Variants in CDC42BPA observed in about 807,000 individuals in gnomAD.
The protein encoded by CDC42BPA is serine/threonine-protein kinase MRCK alpha.
In CDC42BPA, 80 loss-of-function variants were observed where a neutral mutation model predicts 223.5. That is an observed-to-expected ratio of 0.36 (90% confidence interval 0.30 to 0.43). CDC42BPA has a LOEUF of 0.43. Among genes scored for constraint, CDC42BPA ranks in the 20% least tolerant of loss-of-function variants. CDC42BPA has a pLI of 1.00. For synonymous variants in CDC42BPA, 694 were observed against 718.6 expected, an observed-to-expected ratio of 0.97 and a Z score of 0.55; for missense variants, 1,743 against 2,099.9, an observed-to-expected ratio of 0.83 and a Z score of 3.32.
At chr1:227,130,501 G>T (rs1463590464) in intron 10 of CDC42BPA, among the ~76,000 whole-genome samples, 1 of 152,072 alleles carries the variant, frequency 6.6e-6, no homozygotes, top group Non-Finnish European at 1.5e-5. Flanking sequence ...AACATCCATT[G>T]TTTTTATTTT....
Position 227,112,777 on chromosome 1 carries a change from T to C in CDC42BPA, c.1784A>G (p.Lys595Arg). The C allele has an allele frequency of 1.9e-6, 3 of 1,614,054 alleles. No homozygotes were observed. Among genetic ancestry groups the C allele is most frequent in the Non-Finnish European group, 2.5e-6 (3 of 1,179,980 alleles). Reference protein sequence around the residue: ...RLTELHTQKQKLARHVRDKEE... With the variant: ...RLTELHTQKQRLARHVRDKEE... ...CTTATCTCGGACATGGCGAGCAAGT[T>C]TCTGTTTTTGGGTGTGCAATTCTGT... The change falls in exon 13 of 37, where the codon AAA becomes AGA. Residue 595 changes from lysine (K) to arginine (R), a missense_variant. This residue lies in a region of CDC42BPA where 464 missense variants were observed against 488.0 expected (regional missense o/e 0.95). Coordinates refer to ENST00000366766, the MANE Select transcript of CDC42BPA (RefSeq NM_001394014.1).
intron 4 of CDC42BPA, among the ~76,000 whole-genome samples, chr1:227,198,669 A>AT (rs929961169): frequency 2.0e-5 from 3 of 151,254 alleles, no homozygotes; most frequent in Non-Finnish European, 4.4e-5. Context: ...ATAAACCTTT[A>AT]TTTTTTTTCC....
intron 1 of CDC42BPA, among the ~76,000 whole-genome samples, chr1:227,292,005 C>T (rs191725386): frequency 2.0e-5 from 3 of 150,818 alleles, no homozygotes; most frequent in East Asian, 1.9e-4. Context: ...TTTTTTCAGA[C>T]GGAGTCTCGC....
chr1:227,020,056 C>T (rs1455760265), intron 32 of CDC42BPA, among the ~76,000 whole-genome samples: 2 of 152,262 alleles, frequency 1.3e-5, no homozygotes, highest in East Asian at 3.9e-4. Context: ...GCCACCACAG[C>T]TGGCTAATTT....
In CDC42BPA at chr1:227,317,950, C is replaced by A; in HGVS notation, c.-768G>T. 2 of 397,712 alleles carry A rather than the reference C, an allele frequency of 5.0e-6. No individual in the cohort carries two copies. Among genetic ancestry groups the A allele is most frequent in the Non-Finnish European group, 8.9e-6 (2 of 225,558 alleles). 24.6% of individuals were successfully genotyped at this position (397,712 alleles called of 1,614,324 possible). A position where few individuals can be genotyped will look rare whatever the true frequency, so the allele number is the denominator to read the frequency against. On this transcript the variant is annotated 5_prime_UTR_variant, in exon 1 of 37. Transcript: ENST00000366766. ...CTCCCGGCTTCACCCTAGGGCCTGA[C>A]CGGCGGCGCGGCCGGGGGTGGAAGG...
chr1:227,175,161 C>G (rs1023030711), intron 5 of CDC42BPA, among the ~76,000 whole-genome samples: 2 of 152,110 alleles, frequency 1.3e-5, no homozygotes, highest in Non-Finnish European at 1.5e-5. Flanking sequence ...ACATTCCATG[C>G]AATCATGACT....
intron 16 of CDC42BPA, among the ~76,000 whole-genome samples, chr1:227,090,774 G>A (rs553049478): frequency 1.2e-4 from 19 of 152,268 alleles, no homozygotes; most frequent in East Asian, 9.6e-4. Flanking sequence ...TTGCACCACC[G>A]CACTCCAGCC....
chr1:227,131,663 G>A (rs1363347473), intron 10 of CDC42BPA, among the ~76,000 whole-genome samples: 1 of 152,130 alleles, frequency 6.6e-6, no homozygotes, highest in Non-Finnish European at 1.5e-5. Flanking sequence ...ATGAAGGGAG[G>A]TCTTACCTTC....
intron 14 of CDC42BPA, among the ~76,000 whole-genome samples, chr1:227,110,321 G>A (rs548303893): frequency 6.6e-5 from 10 of 152,178 alleles, no homozygotes; most frequent in African/African-American, 2.4e-4. Flanking sequence ...TACATGCCAG[G>A]TTCTGGTCTA....
intron 2 of CDC42BPA, among the ~76,000 whole-genome samples, chr1:227,233,897 C>T (rs980854812): frequency 1.3e-5 from 2 of 152,204 alleles, no homozygotes; most frequent in African/African-American, 4.8e-5. Context: ...CACACTGCTG[C>T]ACTCCTGCCT....
At chr1:227,032,288 T>C (rs1669426365) in intron 27 of CDC42BPA, among the ~76,000 whole-genome samples, 1 of 152,172 alleles carries the variant, frequency 6.6e-6, no homozygotes, top group South Asian at 2.1e-4. Context: ...TATAGATAAG[T>C]GGGCCTCTGT....
chr1:227,056,116 T>C (rs916049453), intron 21 of CDC42BPA, among the ~76,000 whole-genome samples: 1 of 152,154 alleles, frequency 6.6e-6, no homozygotes. Context: ...CCTCAAATTA[T>C]GGACAGCATG....
intron 2 of CDC42BPA, among the ~76,000 whole-genome samples, chr1:227,233,065 C>T (rs933100404): frequency 6.6e-6 from 1 of 152,196 alleles, no homozygotes; most frequent in Non-Finnish European, 1.5e-5. Context: ...GAGCCAGGTG[C>T]GGGATATGAT....
chr1:227,090,594 T>C (rs1682892013), intron 16 of CDC42BPA, among the ~76,000 whole-genome samples: 1 of 152,094 alleles, frequency 6.6e-6, no homozygotes, highest in African/African-American at 2.4e-5. Context: ...GCGGATTGCT[T>C]GAGGTCAGGA....
intron 6 of CDC42BPA, among the ~76,000 whole-genome samples, chr1:227,156,840 T>C (rs991380975): frequency 2.6e-5 from 4 of 151,962 alleles, no homozygotes; most frequent in Admixed American, 2.6e-4. Context: ...GGAGTTATTT[T>C]TCCCTGCAGC....
At position 227,160,558 on chromosome 1, in the gene CDC42BPA, C is replaced by G; in HGVS notation, c.678G>C (p.Leu226=). The change falls in exon 6 of 37, where the codon CTG becomes CTC. Residue 226 remains leucine (L), a synonymous_variant. Transcript: ENST00000366766. ...RLADFGSCLK[L]MEDGTVQSSV... ...CTTTATTTACCGTTCCATCTTCCAT[C>G]AGCTTCAGACAAGAACCAAAATCTG... 6.3e-7 allele frequency: 1 copy of G among 1,594,186 alleles called. No homozygotes were observed.
chr1:227,093,037 A>G (rs1033273227), intron 15 of CDC42BPA, among the ~76,000 whole-genome samples: 7 of 152,282 alleles, frequency 4.6e-5, no homozygotes, highest in Non-Finnish European at 1.0e-4. Context: ...TATCCCTACC[A>G]TGTCTCCTTT....
chr1:227,009,821 G>A (rs963296215), intron 34 of CDC42BPA, among the ~76,000 whole-genome samples: 1 of 151,936 alleles, frequency 6.6e-6, no homozygotes, highest in Non-Finnish European at 1.5e-5. Context: ...TGTCAGATAA[G>A]ATATTTAAGT....
chr1:227,119,875 C>T lies in CDC42BPA; in HGVS notation c.1576G>A (p.Ala526Thr), dbSNP rs1688356056. The T allele has an allele frequency of 6.2e-7, 1 of 1,604,050 alleles. No individual in the cohort carries two copies. The highest frequency in any genetic ancestry group is 8.5e-7 in the Non-Finnish European group (1 of 1,174,572). Residue 526 changes from alanine to threonine, a missense_variant, in exon 12 of 37, where the codon GCT (alanine) becomes ACT (threonine). By Grantham distance (58) the Ala-to-Thr change is moderately conservative. This residue lies in a region of CDC42BPA where 464 missense variants were observed against 488.0 expected (regional missense o/e 0.95). Coordinates refer to ENST00000366766, the MANE Select transcript of CDC42BPA (RefSeq NM_001394014.1). ...TCATAAGCCTTGATTTGTCTAAAAGCATCATCTAGTTCTTGCCTCACAGCA... is the reference window on the plus strand; with the variant it reads ...TCATAAGCCTTGATTTGTCTAAAAGTATCATCTAGTTCTTGCCTCACAGCA... ...ANAVRQELDDAFRQIKAYEKQ... is the reference protein window; with the variant it reads ...ANAVRQELDDTFRQIKAYEKQ...
Sources: gnomAD v4.1 joint callset for allele counts (sites outside exome capture counted in the v4.1 genomes callset) on GRCh38, gnomAD v4.1.1 for gene constraint, gnomAD v4.1.1 regional missense constraint, MANE v1.5 for transcripts, NCBI Gene and HGNC (gene_info 2026-07-23, HGNC 2026-07-21) for gene names.